TUT7: variants seen among roughly 807,000 people sequenced by gnomAD.
The protein encoded by TUT7 is terminal uridylyltransferase 7.
Under a neutral mutation model 165.9 loss-of-function variants are expected in TUT7, and 33 were observed. The observed-to-expected ratio is 0.20, with a 90% CI of 0.15 to 0.27. TUT7 has a LOEUF of 0.27. TUT7 is among the 10% of genes least tolerant of loss of function. The probability of loss-of-function intolerance (pLI) is 1.00; values close to 1 mark genes in which losing one functional copy is unlikely to be tolerated. For missense variants in TUT7, 1,338 were observed against 1,762.3 expected (o/e 0.76, Z 4.31); for synonymous variants, 552 against 608.1 (o/e 0.91, Z 1.36).
At position 86,340,101 on chromosome 9, in the gene TUT7, G is replaced by C. The variant is rs1234152878; in HGVS notation, c.1143C>G (p.Ser381=). The change falls in exon 8 of 27, where the codon TCC becomes TCG. Residue 381 remains serine (S), a synonymous_variant. Coordinates refer to ENST00000375963, the MANE Select transcript of TUT7 (RefSeq NM_024617.4). ...GGAAGTCTGCATCAACATCAATAAA[G>C]GAGTCTGAGGAAAGAAGAAGAAAAA... The part of the protein sequence containing the change: ...LVQECLKNSD[S]FIDVDADFHA... 2 of 1,613,154 alleles carry C rather than the reference G, an allele frequency of 1.2e-6. No homozygotes were observed. Among genetic ancestry groups the C allele is most frequent in the Admixed American group, 3.3e-5 (2 of 59,970 alleles).
chr9:86,348,285 T>A (rs1032712255), intron 2 of TUT7, among the ~76,000 whole-genome samples: 10 of 152,188 alleles, frequency 6.6e-5, no homozygotes, highest in African/African-American at 2.4e-4. Flanking sequence ...TGATGGTGTA[T>A]CTTATTATGC....
intron 17 of TUT7, among the ~76,000 whole-genome samples, chr9:86,313,126 T>TAATAAATA (rs111966143): frequency 0.01 from 1,474 of 142,576 alleles, 8 homozygotes; most frequent in South Asian, 0.017. Flanking sequence ...GAATGATCAA[T>TAATAAATA]AATAAATAAA....
At chr9:86,324,288 T>A (rs1829591005) in intron 12 of TUT7, 1 of 168,532 alleles carries the variant, frequency 5.9e-6, no homozygotes, top group African/African-American at 2.4e-5. Context: ...AAGGAAGATC[T>A]TCCCACCAGG....
At chr9:86,314,272 C>A (rs1369110570) in intron 17 of TUT7, among the ~76,000 whole-genome samples, 1 of 152,248 alleles carries the variant, frequency 6.6e-6, no homozygotes, top group Non-Finnish European at 1.5e-5. Context: ...CATTACCACA[C>A]TTCAAAGTCT....
chr9:86,352,069 A>C (rs1832349483), intron 2 of TUT7, among the ~76,000 whole-genome samples: 1 of 152,136 alleles, frequency 6.6e-6, no homozygotes, highest in South Asian at 2.1e-4. Flanking sequence ...ACTGAAACCA[A>C]ACAGCAAAGC....
Position 86,304,818 on chromosome 9 carries a change from T to A in TUT7, c.3978+38A>T, listed in dbSNP as rs780220992. 5 of 1,437,058 alleles carry A rather than the reference T, an allele frequency of 3.5e-6. No homozygotes were observed. The Admixed American group carries it at 8.4e-5, about 24-fold the overall frequency. The allele number at this position is 1,437,058 out of a possible 1,614,324, so 89.0% of individuals were successfully genotyped here. On this transcript the variant is annotated intron_variant, in intron 24 of 26. Coordinates refer to ENST00000375963, the MANE Select transcript of TUT7 (RefSeq NM_024617.4). The stretch of plus-strand genomic sequence containing the variant: ...TGATGTGTACAAATTAGGCACTTTT[T>A]TTTATTTTTTATTTTTTGGTATTTC...
At chr9:86,289,550 A>G (rs967549808) in intron 26 of TUT7, among the ~76,000 whole-genome samples, 3 of 133,054 alleles carry the variant, frequency 2.3e-5, no homozygotes, top group African/African-American at 3.3e-5. Flanking sequence ...AGAAAGTCAG[A>G]GCGTAAGAAA....
At chr9:86,350,777 T>C (rs1832212671) in intron 2 of TUT7, among the ~76,000 whole-genome samples, 1 of 152,254 alleles carries the variant, frequency 6.6e-6, no homozygotes. Flanking sequence ...TTAACGCCTT[T>C]ATAACACTTC....
Position 86,338,949 on chromosome 9 carries a change from A to G in TUT7, c.1209T>C (p.Ser403=), listed in dbSNP as rs890292000. The G allele has an allele frequency of 1.3e-6, 2 of 1,593,140 alleles. No homozygotes were observed. The highest frequency in any genetic ancestry group is 8.6e-7 in the Non-Finnish European group (1 of 1,168,860). Residue 403 remains serine (S), a splice_region_variant and synonymous_variant, in exon 9 of 27, where the codon AGT becomes AGC. Coordinates refer to ENST00000375963, the MANE Select transcript of TUT7 (RefSeq NM_024617.4). The part of the protein sequence containing the change: ...VPVVVCREKQ[S]GLLCKVSAGN... ...CTGCGCTCACTTTACACAGAAGACC[A>G]CTGGTGAGAGGTGGGGGAGGAGGAT...
intron 17 of TUT7, among the ~76,000 whole-genome samples, chr9:86,312,650 G>C (rs547352112): frequency 3.9e-4 from 60 of 152,344 alleles, no homozygotes; most frequent in African/African-American, 1.4e-3. Context: ...TGATGACAAT[G>C]GCGGTTTTGT....
rs573463266 is a variant in TUT7 at position 86,311,684 on chromosome 9, G to C, written c.3275-875C>G. On this transcript the variant is annotated intron_variant, in intron 17 of 26. Transcript: ENST00000375963. This position sits in a 1 kb window ranked among gnomAD's most constrained non-coding sequence, Gnocchi z 4.4. ...TCTGATGCCGAGCCGAAGCTGGACT[G>C]TACCGCTGCCATCTCGGCTCACTGC... is the stretch of plus-strand genomic sequence containing the variant. Among the ~76,000 whole-genome samples, 13 of 119,734 alleles carry C rather than the reference G, an allele frequency of 1.1e-4. No individual in the cohort carries two copies. The highest frequency in any genetic ancestry group is 1.9e-4 in the Non-Finnish European group (11 of 58,868). 78.6% of individuals were successfully genotyped at this position (119,734 alleles called of 152,430 possible). A position where few individuals can be genotyped will look rare whatever the true frequency, so the allele number is the denominator to read the frequency against.
At chr9:86,293,798 C>G (rs1455717425) in intron 26 of TUT7, among the ~76,000 whole-genome samples, 1 of 152,172 alleles carries the variant, frequency 6.6e-6, no homozygotes, top group East Asian at 1.9e-4. Flanking sequence ...CCTGACAGGG[C>G]ATGTGGCTTG....
chr9:86,332,760 A>G (rs947563169), intron 10 of TUT7, among the ~76,000 whole-genome samples: 7 of 152,214 alleles, frequency 4.6e-5, no homozygotes, highest in African/African-American at 1.7e-4. Context: ...TAGTCTGTCA[A>G]TATTTAAGTT....
chr9:86,302,959 C>A (rs1827087135), intron 25 of TUT7, 127 bp downstream of exon 25: 2 of 523,744 alleles, frequency 3.8e-6, no homozygotes, highest in South Asian at 6.5e-5. Context: ...AAATAAAAAA[C>A]TTAAATGTAT....
chr9:86,342,296 T>A (rs1160669249), intron 6 of TUT7, among the ~76,000 whole-genome samples: 1 of 152,142 alleles, frequency 6.6e-6, no homozygotes, highest in Non-Finnish European at 1.5e-5. Flanking sequence ...CAGCTCAGAA[T>A]ATGGATTTTT....
intron 14 of TUT7, among the ~76,000 whole-genome samples, chr9:86,321,964 T>G (rs1829344248): frequency 6.6e-6 from 1 of 152,054 alleles, no homozygotes; most frequent in African/African-American, 2.4e-5. Flanking sequence ...TGCTCCCAGC[T>G]ACTTGGGAGG....
chr9:86,326,707 G>A (rs1049561444), intron 11 of TUT7, among the ~76,000 whole-genome samples: 6 of 152,182 alleles, frequency 3.9e-5, no homozygotes, highest in Admixed American at 2.0e-4. Flanking sequence ...GAAGCCCCAC[G>A]AGTGCCCATG....
intron 10 of TUT7, among the ~76,000 whole-genome samples, chr9:86,335,490 A>G (rs2131530792): frequency 6.6e-6 from 1 of 152,336 alleles, no homozygotes; most frequent in African/African-American, 2.4e-5. Context: ...GGACAGAATG[A>G]CTAAAAGATT....
intron 26 of TUT7, among the ~76,000 whole-genome samples, chr9:86,295,940 T>A (rs1826279765): frequency 1.3e-5 from 2 of 152,176 alleles, no homozygotes; most frequent in Admixed American, 6.5e-5. Flanking sequence ...TTTTCTGAGA[T>A]TCTCATACTG....
Sources: gnomAD v4.1 joint callset for allele counts (sites outside exome capture counted in the v4.1 genomes callset) on GRCh38, gnomAD v4.1.1 for gene constraint, Gnocchi (gnomAD v3.1) non-coding constraint, MANE v1.5 for transcripts, NCBI Gene and HGNC (gene_info 2026-07-23, HGNC 2026-07-21) for gene names.